The following KLHDC1 variants were observed in gnomAD, a reference collection of about 807,000 sequenced individuals.
KLHDC1 encodes the protein kelch domain containing 1, also known as kelch domain-containing protein 1.
Under a neutral mutation model 68.3 loss-of-function variants are expected in KLHDC1, and 53 were observed. The ratio of observed to expected loss-of-function variants is 0.78; its 90% confidence interval spans 0.62 to 0.98. KLHDC1 has a LOEUF of 0.98. Among genes scored for constraint, KLHDC1 ranks in the 50% least tolerant of loss-of-function variants. KLHDC1 has a pLI of 0.00. For missense variants in KLHDC1, 470 were observed against 492.3 expected (o/e 0.95, Z 0.43); for synonymous variants, 148 against 159.0 (o/e 0.93, Z 0.52).
intron 12 of KLHDC1, among the ~76,000 whole-genome samples, chr14:49,747,755 A>T (rs1205694328): frequency 1.3e-5 from 2 of 152,156 alleles, no homozygotes; most frequent in East Asian, 3.9e-4. Flanking sequence ...GGGATATATA[A>T]CAAAGTAGCA....
intron 12 of KLHDC1, among the ~76,000 whole-genome samples, chr14:49,748,041 G>A (rs1437111879): frequency 6.6e-6 from 1 of 152,224 alleles, no homozygotes; most frequent in Non-Finnish European, 1.5e-5. Context: ...AGTCCAAAGA[G>A]TAAGGGAATG....
chr14:49,751,874 G>A lies in KLHDC1; in HGVS notation c.*102G>A. 2 of 536,600 alleles carry A rather than the reference G, an allele frequency of 3.7e-6. No homozygotes were observed. The highest frequency in any genetic ancestry group is 6.1e-6 in the Non-Finnish European group (2 of 325,552). The allele number at this position is 536,600 out of a possible 1,614,324, so 33.2% of individuals were successfully genotyped here. Reference sequence around the variant, plus strand: ...CTTTATTTAAAGGATAAAATTTAAAGGATAAAAAAACAGTCACTCTGTTAA... The same window carrying A: ...CTTTATTTAAAGGATAAAATTTAAAAGATAAAAAAACAGTCACTCTGTTAA... On this transcript the variant is annotated 3_prime_UTR_variant, in exon 13 of 13. Transcript: ENST00000359332.
chr14:49,744,114 G>A lies in KLHDC1; in HGVS notation c.1034+309G>A, dbSNP rs559613176. On this transcript the variant is annotated intron_variant, in intron 12 of 12. Transcript: ENST00000359332. ...GTGTGGGTAACATTGTGAAACCCACGACTCTACAAAAAAAAAAAAGTAGCT... is the reference window on the plus strand; with the variant it reads ...GTGTGGGTAACATTGTGAAACCCACAACTCTACAAAAAAAAAAAAGTAGCT... 1.6e-4 allele frequency among the ~76,000 whole-genome samples: 10 copies of A among 62,124 alleles called. No homozygotes were observed. The South Asian group carries it at 9.0e-3, about 56-fold the overall frequency. The allele number at this position is 62,124 out of a possible 152,430, so 40.8% of individuals were successfully genotyped here.
Position 49,743,611 on chromosome 14 carries a change from A to G in KLHDC1, c.982-142A>G, listed in dbSNP as rs1252857758. On this transcript the variant is annotated intron_variant, in intron 11 of 12. Coordinates refer to ENST00000359332, the MANE Select transcript of KLHDC1 (RefSeq NM_172193.3). Reference sequence around the variant, plus strand: ...TATGTTTATGTGTGTGCATGAATTTATGTGTGTGTGTCAACAGCTAGAAAG... The same window carrying G: ...TATGTTTATGTGTGTGCATGAATTTGTGTGTGTGTGTCAACAGCTAGAAAG... 6 of 570,924 alleles carry G rather than the reference A, an allele frequency of 1.1e-5. No individual in the cohort carries two copies. The Admixed American group carries it at 2.0e-4, about 19-fold the overall frequency. The allele number at this position is 570,924 out of a possible 1,614,324, so 35.4% of individuals were successfully genotyped here. A position where few individuals can be genotyped will look rare whatever the true frequency, so the allele number is the denominator to read the frequency against.
chr14:49,713,825 TATATATATATATATATA>T lies in KLHDC1; in HGVS notation c.404+3445_404+3461del, dbSNP rs1888284064. Reference sequence around the variant, plus strand: ...ATATATATATATATATATATATATATATATATATATATATATATATATATATTTTTTTTTTTTTTTTT... The same window carrying T: ...ATATATATATATATATATATATATATTATATATATTTTTTTTTTTTTTTTT... On this transcript the variant is annotated intron_variant, in intron 4 of 12. Transcript: ENST00000359332. 1.7e-3 allele frequency among the ~76,000 whole-genome samples: 6 copies of T among 3,526 alleles called. 1 individual carries two copies. Among genetic ancestry groups the T allele is most frequent in the Non-Finnish European group, 3.2e-3 (2 of 628 alleles). 2.3% of individuals were successfully genotyped at this position (3,526 alleles called of 152,430 possible). A position where few individuals can be genotyped will look rare whatever the true frequency, so the allele number is the denominator to read the frequency against.
chr14:49,716,329 G>A (rs1888375693), intron 4 of KLHDC1, among the ~76,000 whole-genome samples: 1 of 151,818 alleles, frequency 6.6e-6, no homozygotes, highest in African/African-American at 2.4e-5. Context: ...AACAATGATT[G>A]CCCTAGGCAA....
intron 4 of KLHDC1, among the ~76,000 whole-genome samples, chr14:49,719,380 TTC>T (rs1289293558): frequency 2.0e-5 from 3 of 151,632 alleles, no homozygotes; most frequent in African/African-American, 7.2e-5. Flanking sequence ...AGGATTTTTT[TTC>T]TTTCAGCACT....
At chr14:49,713,175 C>T (rs564478551) in intron 4 of KLHDC1, among the ~76,000 whole-genome samples, 3 of 150,102 alleles carry the variant, frequency 2.0e-5, no homozygotes, top group Admixed American at 1.3e-4. Flanking sequence ...AGGGTGGTCT[C>T]GATCTCCTGA....
intron 4 of KLHDC1, among the ~76,000 whole-genome samples, chr14:49,721,444 G>T (rs556008222): frequency 1.3e-5 from 2 of 152,040 alleles, no homozygotes; most frequent in East Asian, 1.9e-4. Context: ...CAGCCTCCCT[G>T]TAGTTTTTAA....
At chr14:49,751,123 T>G (rs1889311422) in intron 12 of KLHDC1, 1 of 152,298 alleles carries the variant, frequency 6.6e-6, no homozygotes, top group African/African-American at 2.4e-5. Context: ...TGAATCATTT[T>G]TACTTAAAGA....
At position 49,736,142 on chromosome 14, in the gene KLHDC1, A is replaced by T. The variant is rs187597994; in HGVS notation, c.896+1481A>T. On this transcript the variant is annotated intron_variant, in intron 10 of 12. Transcript: ENST00000359332. ...ATGCATTATAGACCAAAGTATTAGT[A>T]AAAATGTTTAATTTTAAAATTGCTC... Among the ~76,000 whole-genome samples, 7 of 152,334 alleles carry T rather than the reference A, an allele frequency of 4.6e-5. No individual in the cohort carries two copies. The East Asian group carries it at 1.2e-3, about 25-fold the overall frequency.
At chr14:49,728,853 T>C in intron 6 of KLHDC1, 73 bp from the exon 7 acceptor site, 1 of 1,053,822 alleles carries the variant, frequency 9.5e-7, no homozygotes, top group African/African-American at 1.6e-5. Context: ...GACTTTCACA[T>C]ACTGAGCATA....
chr14:49,703,149 TAAAC>T, intron 1 of KLHDC1, among the ~76,000 whole-genome samples: 1 of 152,146 alleles, frequency 6.6e-6, no homozygotes, highest in East Asian at 1.9e-4. Flanking sequence ...GATTAAGAAA[TAAAC>T]AATACCTTTA....
At chr14:49,693,313 G>A in intron 1 of KLHDC1, 23 bp downstream of exon 1, 1 of 1,445,146 alleles carries the variant, frequency 6.9e-7, no homozygotes, top group Non-Finnish European at 9.2e-7. Context: ...GGCGGGACGG[G>A]GTAGACTCGC....
chr14:49,726,263 C>A (rs571906984), intron 6 of KLHDC1, among the ~76,000 whole-genome samples: 1 of 152,138 alleles, frequency 6.6e-6, no homozygotes, highest in Admixed American at 6.5e-5. Context: ...CACTTGTAGT[C>A]CCAACTACTC....
intron 8 of KLHDC1, among the ~76,000 whole-genome samples, chr14:49,731,642 AT>A (rs1382328179): frequency 2.6e-5 from 4 of 151,480 alleles, no homozygotes; most frequent in Non-Finnish European, 4.4e-5. Context: ...GCTATAACTT[AT>A]GTTTTTATTT....
intron 8 of KLHDC1, among the ~76,000 whole-genome samples, chr14:49,730,926 C>T (rs1330460306): frequency 6.6e-6 from 1 of 152,024 alleles, no homozygotes; most frequent in African/African-American, 2.4e-5. Context: ...GAGCCAAGAT[C>T]GTGCCACTGC....
intron 4 of KLHDC1, among the ~76,000 whole-genome samples, chr14:49,713,809 T>C (rs1467387518): frequency 3.7e-5 from 1 of 26,806 alleles, no homozygotes; most frequent in Admixed American, 6.1e-4. Context: ...TATATATATA[T>C]ATATATATAT....
intron 11 of KLHDC1, among the ~76,000 whole-genome samples, chr14:49,742,534 G>C (rs188378372): frequency 5.6e-4 from 85 of 152,170 alleles, no homozygotes; most frequent in South Asian, 2.3e-3. Context: ...TAGCCAGGAT[G>C]TGGTGGTGTG....
Sources: allele counts gnomAD v4.1 joint callset (sites outside exome capture counted in the v4.1 genomes callset), GRCh38; gene constraint gnomAD v4.1.1; transcripts MANE v1.5; gene names NCBI Gene and HGNC (gene_info 2026-07-23, HGNC 2026-07-21).